FOXO3: variants seen among roughly 807,000 people sequenced by gnomAD.
The protein encoded by FOXO3 is forkhead box O3.
FOXO3 carries 4 observed loss-of-function variants against 41.9 expected under a neutral mutation model. The observed-to-expected ratio is 0.10, with a 90% CI of 0.05 to 0.22. The LOEUF (loss-of-function observed/expected upper bound fraction) is 0.22. FOXO3 is among the 10% of genes least tolerant of loss of function. The pLI is 1.00. For synonymous variants in FOXO3, 318 were observed against 389.3 expected (o/e 0.82, Z 2.16); for missense variants, 534 against 906.8 (o/e 0.59, Z 5.28).
intron 2 of FOXO3, among the ~76,000 whole-genome samples, chr6:108,677,792 T>C (rs1390790184): frequency 1.3e-5 from 2 of 152,288 alleles, no homozygotes; most frequent in South Asian, 2.1e-4. Context: ...GTAGTTAGAA[T>C]AGCACTGACT....
intron 1 of FOXO3, among the ~76,000 whole-genome samples, chr6:108,568,857 G>C (rs933735763): frequency 9.2e-5 from 14 of 152,182 alleles, no homozygotes; most frequent in African/African-American, 3.4e-4. Context: ...ATAAGTCTCT[G>C]AAAACTCCAT....
At chr6:108,639,489 T>G in intron 1 of FOXO3, 1 of 938,334 alleles carries the variant, frequency 1.1e-6, no homozygotes, top group Non-Finnish European at 1.3e-6. Context: ...TGCTTTGCCC[T>G]CAGAACGCAT....
chr6:108,570,987 C>G (rs1776083223), intron 1 of FOXO3, among the ~76,000 whole-genome samples: 1 of 152,168 alleles, frequency 6.6e-6, no homozygotes, highest in African/African-American at 2.4e-5. Flanking sequence ...ATATCCTCCC[C>G]TGCCTTTCAT....
At chr6:108,571,558 T>C (rs978390752) in intron 1 of FOXO3, among the ~76,000 whole-genome samples, 6 of 152,126 alleles carry the variant, frequency 3.9e-5, no homozygotes, top group Non-Finnish European at 7.4e-5. Flanking sequence ...AGAAAATACA[T>C]AGAGACCCAA....
chr6:108,561,433 G>A lies in FOXO3; in HGVS notation c.225G>A (p.Ser75=). 1.3e-6 allele frequency: 2 copies of A among 1,535,542 alleles called. No homozygotes were observed. Among genetic ancestry groups the A allele is most frequent in the South Asian group, 1.2e-5 (1 of 82,140 alleles). The part of the protein sequence containing the change: ...DDEDGGGRAG[S]AMAIGGGGGS... ...AGGACGGCGGGGGACGGGCCGGCTCGGCCATGGCGATCGGCGGCGGCGGCG... is the reference window on the plus strand; with the variant it reads ...AGGACGGCGGGGGACGGGCCGGCTCAGCCATGGCGATCGGCGGCGGCGGCG... The change falls in exon 1 of 3, where the codon TCG becomes TCA. Residue 75 remains serine (S), a synonymous_variant. Transcript: ENST00000406360.
chr6:108,658,095 G>T (rs758930846), intron 1 of FOXO3, among the ~76,000 whole-genome samples: 2 of 152,184 alleles, frequency 1.3e-5, no homozygotes, highest in Non-Finnish European at 2.9e-5. Flanking sequence ...CCAGTCCCCT[G>T]CGTATAACAA....
At chr6:108,656,434 G>A in intron 1 of FOXO3, 1 of 985,122 alleles carries the variant, frequency 1.0e-6, no homozygotes, top group Admixed American at 6.1e-5. Flanking sequence ...AGTTACTTCT[G>A]ACTGGCACGG....
chr6:108,561,897 G>C (rs1041726006), intron 1 of FOXO3, 68 bp downstream of exon 1: 8 of 1,478,940 alleles, frequency 5.4e-6, no homozygotes, highest in East Asian at 2.6e-5. Context: ...ACGCGTCTCG[G>C]ATTCGTCGGA....
chr6:108,678,869 C>T (rs112214793), intron 2 of FOXO3, among the ~76,000 whole-genome samples: 1,835 of 54,838 alleles, frequency 0.033, 33 homozygotes, highest in Non-Finnish European at 0.059. Flanking sequence ...TTCTTAAATT[C>T]TTTTTTTTTT....
At chr6:108,575,358 A>G (rs1349809948) in intron 1 of FOXO3, among the ~76,000 whole-genome samples, 1 of 148,208 alleles carries the variant, frequency 6.7e-6, no homozygotes, top group Non-Finnish European at 1.5e-5. Flanking sequence ...TTTTCTTCCT[A>G]TTTTATTTTA....
At chr6:108,678,271 G>C (rs1770697690) in intron 2 of FOXO3, among the ~76,000 whole-genome samples, 1 of 152,188 alleles carries the variant, frequency 6.6e-6, no homozygotes, top group South Asian at 2.1e-4. Flanking sequence ...ATGTGATTTT[G>C]TGTGTGAGTT....
At chr6:108,591,693 C>T (rs1157042378) in intron 1 of FOXO3, among the ~76,000 whole-genome samples, 1 of 152,052 alleles carries the variant, frequency 6.6e-6, no homozygotes, top group African/African-American at 2.4e-5. Context: ...TTTTTCTTTC[C>T]ATTTGATTGA....
At chr6:108,618,715 C>A (rs1181627303) in intron 1 of FOXO3, among the ~76,000 whole-genome samples, 1 of 152,208 alleles carries the variant, frequency 6.6e-6, no homozygotes, top group Non-Finnish European at 1.5e-5. Flanking sequence ...ACTTCTTAGG[C>A]CAACTGCTTT....
intron 1 of FOXO3, 113 bp from the exon 2 acceptor site, chr6:108,663,341 TG>T: frequency 1.4e-6 from 2 of 1,434,116 alleles, no homozygotes; most frequent in Non-Finnish European, 1.8e-6. Context: ...AGTGAGACCT[TG>T]TCTCAAAAAA....
intron 1 of FOXO3, among the ~76,000 whole-genome samples, chr6:108,595,470 G>A (rs754932440): frequency 2.6e-5 from 4 of 152,100 alleles, no homozygotes; most frequent in South Asian, 2.1e-4. Flanking sequence ...TTAATAACTC[G>A]GCAAAGGTAC....
At chr6:108,609,774 A>G (rs889844766) in intron 1 of FOXO3, among the ~76,000 whole-genome samples, 1 of 152,190 alleles carries the variant, frequency 6.6e-6, no homozygotes, top group African/African-American at 2.4e-5. Context: ...AGGACATATC[A>G]TTACAGGTCT....
intron 1 of FOXO3, among the ~76,000 whole-genome samples, chr6:108,591,445 A>G (rs905147930): frequency 1.3e-5 from 2 of 152,202 alleles, no homozygotes; most frequent in Non-Finnish European, 2.9e-5. Context: ...ATCTCATTAC[A>G]TCCTTCTGAT....
intron 1 of FOXO3, among the ~76,000 whole-genome samples, chr6:108,584,570 A>T (rs1776522742): frequency 6.6e-6 from 1 of 152,190 alleles, no homozygotes; most frequent in Non-Finnish European, 1.5e-5. Flanking sequence ...AAAGGAGATA[A>T]CTTGGTTCAT....
At chr6:108,656,835 T>TC (rs1778702750) in intron 1 of FOXO3, among the ~76,000 whole-genome samples, 1 of 152,250 alleles carries the variant, frequency 6.6e-6, no homozygotes, top group South Asian at 2.1e-4. Flanking sequence ...TCATGGATAC[T>TC]TTAGTATTAG....
Sources: allele counts gnomAD v4.1 joint callset (sites outside exome capture counted in the v4.1 genomes callset), GRCh38; gene constraint gnomAD v4.1.1; transcripts MANE v1.5; gene names NCBI Gene and HGNC (gene_info 2026-07-23, HGNC 2026-07-21).